The following NLRP11 variants were observed in gnomAD, a reference collection of about 807,000 sequenced individuals.
NLRP11 encodes NLR family pyrin domain containing 11.
A neutral mutation model predicts 79.3 loss-of-function variants in NLRP11; 53 were observed. That is an observed-to-expected ratio of 0.67 (90% CI 0.54 to 0.84). NLRP11 has a LOEUF of 0.84. NLRP11 is among the 40% of genes least tolerant of loss of function. The pLI is 0.00. For missense variants in NLRP11, 1,264 were observed against 1,255.0 expected (o/e 1.01, Z -0.11); for synonymous variants, 518 against 462.6 (o/e 1.12, Z -1.54).
intron 1 of NLRP11, among the ~76,000 whole-genome samples, chr19:55,830,351 G>A (rs1982631230): frequency 1.3e-5 from 2 of 152,046 alleles, no homozygotes; most frequent in South Asian, 2.1e-4. Context: ...TTTCTTTCTA[G>A]TGATATGTTT....
chr19:55,812,296 C>T (rs1179383957), intron 2 of NLRP11, among the ~76,000 whole-genome samples: 1 of 151,994 alleles, frequency 6.6e-6, no homozygotes, highest in African/African-American at 2.4e-5. Context: ...ACAAAGAATT[C>T]ATTGGAATGG....
chr19:55,809,666 T>C lies in NLRP11; in HGVS notation c.944A>G (p.Asp315Gly). 1 of 1,613,584 alleles carries C rather than the reference T, an allele frequency of 6.2e-7. No homozygotes were observed. Among genetic ancestry groups the C allele is most frequent in the Non-Finnish European group, 8.5e-7 (1 of 1,179,752 alleles). Reference sequence around the variant, plus strand: ...GAGGGCTGCCGACGCCCTCTGGCGGTCTTTAAAGAAAGAGTTAAAATATAT... The same window carrying C: ...GAGGGCTGCCGACGCCCTCTGGCGGCCTTTAAAGAAAGAGTTAAAATATAT... The change falls in exon 3 of 10, where the codon GAC becomes GGC. Residue 315 changes from aspartate to glycine, a missense_variant. By Grantham distance (94) the Asp-to-Gly change is moderately conservative (BLOSUM62 -1). Coordinates refer to ENST00000589093, the Ensembl canonical transcript of NLRP11. This position sits in a 1 kb window ranked among gnomAD's most constrained non-coding sequence, Gnocchi z 4.5.
intron 4 of NLRP11, among the ~76,000 whole-genome samples, chr19:55,804,369 C>G (rs562714027): frequency 6.6e-6 from 1 of 152,188 alleles, no homozygotes; most frequent in Admixed American, 6.5e-5. Context: ...AACCTAATGC[C>G]TAGCAACAAG....
At chr19:55,796,766 A>T (rs1394763677) in intron 5 of NLRP11, among the ~76,000 whole-genome samples, 1 of 150,624 alleles carries the variant, frequency 6.6e-6, no homozygotes, top group Non-Finnish European at 1.5e-5. Context: ...GGCTCACTGC[A>T]ACCTCTGCCT....
In NLRP11 at chr19:55,811,207, G is replaced by A. The variant is rs114013697; in HGVS notation, c.272-869C>T. Among the ~76,000 whole-genome samples, 645 of 152,104 alleles carry A rather than the reference G, an allele frequency of 4.2e-3. 6 individuals carry two copies. Among genetic ancestry groups the A allele is most frequent in the African/African-American group, 0.014 (579 of 41,490 alleles). ...GTATGGAATAAAGTTAAAATTTATC[G>A]TAAAGGGAGTCTTATTTCTTGAGAA... On this transcript the variant is annotated intron_variant, in intron 2 of 9. Coordinates refer to ENST00000589093, the Ensembl canonical transcript of NLRP11.
chr19:55,831,437 C>T (rs1982779055), intron 1 of NLRP11, among the ~76,000 whole-genome samples: 1 of 151,968 alleles, frequency 6.6e-6, no homozygotes, highest in African/African-American at 2.4e-5. Flanking sequence ...TGGCGTGTGC[C>T]TGTCATTCCT....
Position 55,813,660 on chromosome 19 carries a change from A to G in NLRP11, c.272-3322T>C, listed in dbSNP as rs147602545. ...AACAGAGCAGGTGAGCATGTACCTC[A>G]TGAGGAAGGGACAGCACAACAGTCT... is the stretch of plus-strand genomic sequence containing the variant. On this transcript the variant is annotated intron_variant, in intron 2 of 9. Transcript: ENST00000589093. Among the ~76,000 whole-genome samples the G allele has an allele frequency of 8.7e-4, 132 of 152,306 alleles. 2 individuals are homozygous for G. Among genetic ancestry groups the G allele is most frequent in the African/African-American group, 2.8e-3 (115 of 41,564 alleles).
intron 1 of NLRP11, among the ~76,000 whole-genome samples, chr19:55,819,908 C>T (rs913203000): frequency 1.6e-4 from 24 of 152,114 alleles, no homozygotes; most frequent in African/African-American, 5.6e-4. Flanking sequence ...CCTCATATAC[C>T]AGGTACTATG....
intron 1 of NLRP11, among the ~76,000 whole-genome samples, chr19:55,824,196 TACAG>T (rs1375108821): frequency 6.9e-6 from 1 of 144,442 alleles, no homozygotes; most frequent in Non-Finnish European, 1.5e-5. Context: ...TAAAACACTT[TACAG>T]ACAAGCAAAT....
chr19:55,818,112 C>T, exon 2 of NLRP11: 4 of 1,613,984 alleles, frequency 2.5e-6, no homozygotes, highest in Non-Finnish European at 2.5e-6. Flanking sequence ...TCTGAAATTC[C>T]TTGTCACTGA....
intron 2 of NLRP11, among the ~76,000 whole-genome samples, chr19:55,817,366 G>A (rs1207680992): frequency 6.6e-6 from 1 of 151,954 alleles, no homozygotes; most frequent in Non-Finnish European, 1.5e-5. Flanking sequence ...AAAAACACAT[G>A]CACACACATT....
At chr19:55,828,603 C>G (rs1278722951) in intron 1 of NLRP11, among the ~76,000 whole-genome samples, 3 of 152,156 alleles carry the variant, frequency 2.0e-5, no homozygotes, top group African/African-American at 7.2e-5. Flanking sequence ...CACAAATCCA[C>G]ACTGATACGA....
chr19:55,792,342 C>A, exon 7 of NLRP11: 5 of 1,614,154 alleles, frequency 3.1e-6, no homozygotes, highest in Non-Finnish European at 4.2e-6. Flanking sequence ...GCAAGGGAAA[C>A]GTCACATGCA....
At chr19:55,810,107 A>G in exon 3 of NLRP11, 2 of 1,614,158 alleles carry the variant, frequency 1.2e-6, no homozygotes, top group Non-Finnish European at 1.7e-6. Flanking sequence ...GATCCACCTC[A>G]ACACAGCCAG....
At chr19:55,829,537 C>T (rs920633114) in intron 1 of NLRP11, among the ~76,000 whole-genome samples, 2 of 151,694 alleles carry the variant, frequency 1.3e-5, no homozygotes, top group Admixed American at 6.6e-5. Context: ...CGTGGTGGCA[C>T]GCGCCTGTAG....
At chr19:55,790,231 T>G (rs1990154472) in intron 7 of NLRP11, among the ~76,000 whole-genome samples, 1 of 152,204 alleles carries the variant, frequency 6.6e-6, no homozygotes, top group Admixed American at 6.5e-5. Context: ...CATAGCAGTT[T>G]TTACTGCCTG....
At chr19:55,787,714 C>T (rs1437491392) in intron 9 of NLRP11, among the ~76,000 whole-genome samples, 1 of 152,168 alleles carries the variant, frequency 6.6e-6, no homozygotes, top group African/African-American at 2.4e-5. Context: ...GCTACTTCTG[C>T]CTTGCTAACA....
intron 1 of NLRP11, among the ~76,000 whole-genome samples, chr19:55,827,339 C>G (rs1186685755): frequency 2.7e-5 from 4 of 148,776 alleles, no homozygotes; most frequent in Admixed American, 1.4e-4. Context: ...CATGACCATT[C>G]AGGACATAGG....
exon 7 of NLRP11, chr19:55,792,420 C>T: frequency 6.2e-7 from 1 of 1,614,126 alleles, no homozygotes; most frequent in Non-Finnish European, 8.5e-7. Flanking sequence ...TGAACAGAAG[C>T]ACTCTTCCAA....
Sources: allele counts gnomAD v4.1 joint callset (sites outside exome capture counted in the v4.1 genomes callset), GRCh38; gene constraint gnomAD v4.1.1; non-coding constraint Gnocchi (gnomAD v3.1); transcripts MANE v1.5; gene names NCBI Gene and HGNC (gene_info 2026-07-23, HGNC 2026-07-21).